FAM107B: variants seen among roughly 807,000 people sequenced by gnomAD.
FAM107B encodes the protein family with sequence similarity 107 member B.
Under a neutral mutation model 31.5 loss-of-function variants are expected in FAM107B, and 21 were observed. The ratio of observed to expected loss-of-function variants is 0.67; its 90% CI spans 0.47 to 0.96. The LOEUF (loss-of-function observed/expected upper bound fraction) is 0.96, where lower values mean the gene tolerates loss of function less well. Among genes scored for constraint, FAM107B ranks in the 40% least tolerant of loss-of-function variants. The probability of loss-of-function intolerance (pLI) is 0.00; values close to 1 mark genes in which losing one functional copy is unlikely to be tolerated. For missense variants in FAM107B, 452 were observed against 377.1 expected (o/e 1.20, Z -1.64); for synonymous variants, 157 against 141.5 (o/e 1.11, Z -0.78).
At chr10:14,740,487 G>C (rs1328021536) in intron 1 of FAM107B, among the ~76,000 whole-genome samples, 1 of 152,160 alleles carries the variant, frequency 6.6e-6, no homozygotes, top group African/African-American at 2.4e-5. Context: ...AGAGATTTTA[G>C]GGCAGTGAAA....
At chr10:14,728,368 C>G (rs558294171) in intron 1 of FAM107B, among the ~76,000 whole-genome samples, 36 of 150,822 alleles carry the variant, frequency 2.4e-4, no homozygotes, top group Non-Finnish European at 4.1e-4. Flanking sequence ...TTTTTAATCT[C>G]CAGCGGTAGA....
intron 2 of FAM107B, among the ~76,000 whole-genome samples, chr10:14,584,725 G>C (rs929011523): frequency 7.2e-5 from 11 of 152,268 alleles, no homozygotes; most frequent in Middle Eastern, 6.8e-3. Flanking sequence ...TAAATCAAAA[G>C]GATAACCCCA....
At chr10:14,721,851 T>G (rs761877733) in intron 1 of FAM107B, among the ~76,000 whole-genome samples, 58 of 152,216 alleles carry the variant, frequency 3.8e-4, no homozygotes, top group Non-Finnish European at 6.0e-4. Context: ...TTAGTTTAAT[T>G]AGATCCCATT....
chr10:14,568,373 C>A (rs1850862638), intron 2 of FAM107B, among the ~76,000 whole-genome samples: 1 of 151,858 alleles, frequency 6.6e-6, no homozygotes, highest in African/African-American at 2.4e-5. Flanking sequence ...CAGGGTTAGA[C>A]CAGGAGGTGA....
chr10:14,538,665 A>C (rs1847883469), intron 2 of FAM107B, among the ~76,000 whole-genome samples: 1 of 152,168 alleles, frequency 6.6e-6, no homozygotes, highest in Admixed American at 6.5e-5. Flanking sequence ...ATTCACCCTC[A>C]ATCAGTACAC....
At chr10:14,681,272 C>G (rs1026587898) in intron 1 of FAM107B, among the ~76,000 whole-genome samples, 1 of 152,228 alleles carries the variant, frequency 6.6e-6, no homozygotes, top group Non-Finnish European at 1.5e-5. Flanking sequence ...CCAGGTGACA[C>G]TAGTACACAC....
chr10:14,774,316 C>T lies in FAM107B; in HGVS notation c.348G>A (p.Ala116=), dbSNP rs141291914. The change falls in exon 1 of 5, where the codon GCG becomes GCA. Residue 116 remains alanine, a synonymous_variant. Coordinates refer to ENST00000181796, the MANE Select transcript of FAM107B (RefSeq NM_031453.4). ...EDVPGSLDDG[A]DCEAVVFHAS... ...CGTGAAACACCACTGCTTCACAGTC[C>T]GCCCCATCATCCAGGGACCCGGGCA... is the stretch of plus-strand genomic sequence containing the variant. 1.0e-3 allele frequency: 1,613 copies of T among 1,614,180 alleles called. 17 individuals carry two copies. In the African/African-American group the frequency reaches 0.019, roughly 19 times the overall value.
At chr10:14,695,396 A>C (rs561270219) in intron 1 of FAM107B, among the ~76,000 whole-genome samples, 1 of 152,152 alleles carries the variant, frequency 6.6e-6, no homozygotes, top group Admixed American at 6.6e-5. Flanking sequence ...GTTTAATTAC[A>C]TAGCTTTATA....
intron 1 of FAM107B, among the ~76,000 whole-genome samples, chr10:14,694,633 C>T (rs1382345533): frequency 1.3e-5 from 2 of 152,222 alleles, no homozygotes; most frequent in African/African-American, 4.8e-5. Context: ...ATCTGCCTGC[C>T]TCAGCCTCCC....
At chr10:14,725,950 C>A (rs1005836516) in intron 1 of FAM107B, among the ~76,000 whole-genome samples, 6 of 151,532 alleles carry the variant, frequency 4.0e-5, no homozygotes, top group African/African-American at 1.2e-4. Context: ...CTCAGCTTCC[C>A]AAGTAGCTGG....
At chr10:14,668,430 T>C (rs1854462690) in intron 1 of FAM107B, among the ~76,000 whole-genome samples, 1 of 152,204 alleles carries the variant, frequency 6.6e-6, no homozygotes, top group African/African-American at 2.4e-5. Context: ...ACTGATTTCA[T>C]GTACTTTCGA....
chr10:14,523,295 G>A (rs528312502), intron 3 of FAM107B, among the ~76,000 whole-genome samples: 1 of 151,660 alleles, frequency 6.6e-6, no homozygotes, highest in Non-Finnish European at 1.5e-5. Context: ...TCAACTTGAT[G>A]TTAAAATTTA....
intron 1 of FAM107B, among the ~76,000 whole-genome samples, chr10:14,705,818 G>T (rs1488036557): frequency 2.0e-5 from 3 of 152,100 alleles, no homozygotes; most frequent in Non-Finnish European, 4.4e-5. Context: ...CAATGTAAAC[G>T]TATTTGATGC....
At chr10:14,723,806 G>A (rs1855968865) in intron 1 of FAM107B, 3 of 757,600 alleles carry the variant, frequency 4.0e-6, no homozygotes, top group Non-Finnish European at 7.3e-6. Flanking sequence ...AGGGCCCTCT[G>A]GCCAGTATAC....
intron 1 of FAM107B, among the ~76,000 whole-genome samples, chr10:14,716,121 G>A (rs535935482): frequency 3.9e-4 from 59 of 152,296 alleles, no homozygotes; most frequent in Non-Finnish European, 7.1e-4. Context: ...TTCCATAGAA[G>A]AAGAGAATCT....
At chr10:14,738,651 G>A (rs139413622) in intron 1 of FAM107B, among the ~76,000 whole-genome samples, 13 of 152,304 alleles carry the variant, frequency 8.5e-5, no homozygotes, top group South Asian at 6.2e-4. Context: ...CAGCACCTGC[G>A]GGACTACCTG....
At chr10:14,603,027 AC>A (rs1852453686) in intron 2 of FAM107B, among the ~76,000 whole-genome samples, 2 of 151,634 alleles carry the variant, frequency 1.3e-5, no homozygotes, top group South Asian at 4.2e-4. Context: ...ACACACACAC[AC>A]ACAAACACAC....
intron 2 of FAM107B, among the ~76,000 whole-genome samples, chr10:14,626,054 C>T (rs927889676): frequency 2.6e-5 from 4 of 152,054 alleles, no homozygotes; most frequent in Non-Finnish European, 2.9e-5. Flanking sequence ...CCCCCCACCC[C>T]GGTACACTTG....
chr10:14,771,724 C>T (rs1833307328), intron 1 of FAM107B, among the ~76,000 whole-genome samples: 1 of 152,004 alleles, frequency 6.6e-6, no homozygotes, highest in Admixed American at 6.6e-5. Flanking sequence ...GTTATGTTGC[C>T]CAGGCTGGTC....
Sources: gnomAD v4.1 joint callset for allele counts (sites outside exome capture counted in the v4.1 genomes callset) on GRCh38, gnomAD v4.1.1 for gene constraint, MANE v1.5 for transcripts, NCBI Gene and HGNC (gene_info 2026-07-23, HGNC 2026-07-21) for gene names.